The following ELP1 variants were observed in gnomAD, a reference collection of about 807,000 sequenced individuals.
The protein encoded by ELP1 is elongator acetyltransferase complex subunit 1, also known as elongator complex protein 1.
In ELP1, 131 loss-of-function variants were observed where a neutral mutation model predicts 183.2. That is an observed-to-expected ratio of 0.72 (90% CI 0.62 to 0.83). The LOEUF (loss-of-function observed/expected upper bound fraction) is 0.83, where lower values mean the gene tolerates loss of function less well. ELP1 is among the 40% of genes least tolerant of loss of function. The pLI is 0.00. For synonymous variants in ELP1, 555 were observed against 569.0 expected (o/e 0.98, Z 0.35); for missense variants, 1,550 against 1,594.9 (o/e 0.97, Z 0.48).
At chr9:108,932,353 T>G (rs1365185720) in intron 1 of ELP1, among the ~76,000 whole-genome samples, 4 of 151,588 alleles carry the variant, frequency 2.6e-5, no homozygotes, top group East Asian at 3.9e-4. Flanking sequence ...GGTTTTTTTG[T>G]TTTTTGAGAC....
chr9:108,910,830 T>TAA lies in ELP1; in HGVS notation c.1360+178_1360+179dup, dbSNP rs11431875. Among the ~76,000 whole-genome samples, 598 of 140,556 alleles carry TAA rather than the reference T, an allele frequency of 4.3e-3. 1 individual carries two copies. The highest frequency in any genetic ancestry group is 0.011 in the African/African-American group (402 of 38,158). The allele number at this position is 140,556 out of a possible 152,430, so 92.2% of individuals were successfully genotyped here. A position where few individuals can be genotyped will look rare whatever the true frequency, so the allele number is the denominator to read the frequency against. ...TGGCTCGTACAAACCAGTATAGGAT[T>TAA]AAAAAAAAAAAAAACAAAAACCCAA... On this transcript the variant is annotated intron_variant, in intron 12 of 36. Transcript: ENST00000374647.
intron 18 of ELP1, among the ~76,000 whole-genome samples, chr9:108,900,770 ACGC>A (rs1384143460): frequency 9.2e-5 from 14 of 151,736 alleles, no homozygotes; most frequent in African/African-American, 2.4e-4. Flanking sequence ...ACACACATAC[ACGC>A]CACACACACA....
At chr9:108,903,076 T>C in intron 15 of ELP1, 134 bp from the exon 16 acceptor site, 1 of 509,160 alleles carries the variant, frequency 2.0e-6, no homozygotes, top group East Asian at 3.7e-5. Context: ...ATTATTTATT[T>C]ATATATATAT....
intron 8 of ELP1, 27 bp downstream of exon 8, chr9:108,918,784 T>C: frequency 6.5e-7 from 1 of 1,548,204 alleles, no homozygotes; most frequent in Non-Finnish European, 8.9e-7. Context: ...TTCCAAGAAT[T>C]TCTCTAAGGT....
At chr9:108,926,262 C>G (rs757135502) in intron 5 of ELP1, among the ~76,000 whole-genome samples, 2 of 152,204 alleles carry the variant, frequency 1.3e-5, no homozygotes, top group Non-Finnish European at 2.9e-5. Flanking sequence ...CAGTCCCTTT[C>G]ACTGAAAGCC....
At chr9:108,930,189 G>A (rs1304935834) in intron 2 of ELP1, among the ~76,000 whole-genome samples, 1 of 152,138 alleles carries the variant, frequency 6.6e-6, no homozygotes, top group African/African-American at 2.4e-5. Flanking sequence ...ACTAAAATAT[G>A]ATGCTAATAG....
intron 32 of ELP1, among the ~76,000 whole-genome samples, chr9:108,879,781 T>A (rs1827850023): frequency 6.6e-6 from 1 of 152,202 alleles, no homozygotes; most frequent in Non-Finnish European, 1.5e-5. Flanking sequence ...AGGAAACTCA[T>A]TTTGTTAGAC....
chr9:108,911,629 C>T (rs923582866), intron 11 of ELP1, among the ~76,000 whole-genome samples: 3 of 152,136 alleles, frequency 2.0e-5, no homozygotes, highest in African/African-American at 7.2e-5. Context: ...TAGAATATTA[C>T]ACAGAATATG....
chr9:108,931,871 A>C (rs769553041), intron 1 of ELP1, among the ~76,000 whole-genome samples: 14 of 152,246 alleles, frequency 9.2e-5, no homozygotes, highest in Non-Finnish European at 1.9e-4. Context: ...GGCTTTTCCC[A>C]GGACAATATA....
intron 36 of ELP1, among the ~76,000 whole-genome samples, chr9:108,870,224 A>G (rs1827397596): frequency 6.6e-6 from 1 of 152,136 alleles, no homozygotes; most frequent in South Asian, 2.1e-4. Context: ...TCAGCCTCCC[A>G]AAGTGCTGGG....
At chr9:108,901,157 A>G (rs1040024282) in intron 18 of ELP1, among the ~76,000 whole-genome samples, 1 of 152,214 alleles carries the variant, frequency 6.6e-6, no homozygotes, top group African/African-American at 2.4e-5. Flanking sequence ...GATCAGTTAC[A>G]TAATAAAATT....
At chr9:108,918,660 A>C (rs113703226) in intron 8 of ELP1, 151 bp downstream of exon 8, 27 of 650,726 alleles carry the variant, frequency 4.1e-5, no homozygotes, top group African/African-American at 3.5e-4. Context: ...AAAAAAAAAG[A>C]AGAAACAAAG....
At chr9:108,873,349 G>A (rs1827559949) in intron 36 of ELP1, among the ~76,000 whole-genome samples, 1 of 152,208 alleles carries the variant, frequency 6.6e-6, no homozygotes, top group South Asian at 2.1e-4. Flanking sequence ...GTTAGCTGGG[G>A]AGGGGCAGCT....
intron 22 of ELP1, among the ~76,000 whole-genome samples, chr9:108,897,575 AT>A (rs1228098144): frequency 6.6e-6 from 1 of 152,260 alleles, no homozygotes; most frequent in African/African-American, 2.4e-5. Context: ...CTACTGACCA[AT>A]AAAAAAAGAA....
chr9:108,869,373 G>T (rs56406618), intron 36 of ELP1, among the ~76,000 whole-genome samples, 191 bp from the exon 37 acceptor site: 1 of 152,162 alleles, frequency 6.6e-6, no homozygotes, highest in Non-Finnish European at 1.5e-5. Flanking sequence ...GCCCCGCCCT[G>T]AGAGGAGGGA....
chr9:108,883,486 T>G (rs1415344199), intron 29 of ELP1, among the ~76,000 whole-genome samples: 5 of 151,832 alleles, frequency 3.3e-5, no homozygotes, highest in Non-Finnish European at 7.4e-5. Context: ...TTTACAGTTT[T>G]AGCTCTTAAA....
At chr9:108,927,474 A>T in intron 3 of ELP1, 21 bp from the exon 4 acceptor site, 3 of 1,591,950 alleles carry the variant, frequency 1.9e-6, no homozygotes, top group Non-Finnish European at 2.6e-6. Flanking sequence ...GAAAATTGAA[A>T]AGAGAGATTC....
At chr9:108,905,245 GCAA>G (rs1828975883) in intron 14 of ELP1, among the ~76,000 whole-genome samples, 2 of 152,254 alleles carry the variant, frequency 1.3e-5, no homozygotes, top group South Asian at 4.1e-4. Context: ...TCCTAATTTT[GCAA>G]CAACGTTTCT....
rs528803158 is a variant in ELP1 at position 108,933,987 on chromosome 9, C to G, written c.-179G>C. On this transcript the variant is annotated 5_prime_UTR_variant, in exon 1 of 37. Transcript: ENST00000374647. ...CTCCGAATTGCGCACGCGTCTCTGTCCGCGGCTCCCGCTCTCTCTCCGACG... is the reference window on the plus strand; with the variant it reads ...CTCCGAATTGCGCACGCGTCTCTGTGCGCGGCTCCCGCTCTCTCTCCGACG... 4 of 157,236 alleles carry G rather than the reference C, an allele frequency of 2.5e-5. No homozygotes were observed. The highest frequency in any genetic ancestry group is 5.6e-5 in the Non-Finnish European group (4 of 71,014). The allele number at this position is 157,236 out of a possible 1,614,324, so 9.7% of individuals were successfully genotyped here. A position where few individuals can be genotyped will look rare whatever the true frequency, so the allele number is the denominator to read the frequency against.
Sources: allele counts gnomAD v4.1 joint callset (sites outside exome capture counted in the v4.1 genomes callset), GRCh38; gene constraint gnomAD v4.1.1; transcripts MANE v1.5; gene names NCBI Gene and HGNC (gene_info 2026-07-23, HGNC 2026-07-21).